The following ZNF69 variants were observed in gnomAD, a reference collection of about 807,000 sequenced individuals.
ZNF69 encodes ZNF3.
In ZNF69, 47 loss-of-function variants were observed where a neutral mutation model predicts 50.9. The ratio of observed to expected loss-of-function variants is 0.92; its 90% CI spans 0.73 to 1.18. The LOEUF (loss-of-function observed/expected upper bound fraction) is 1.18. ZNF69 is among the 50% of genes most tolerant of loss of function. The pLI is 0.00. For missense variants in ZNF69, 717 were observed against 675.1 expected (o/e 1.06, Z -0.69); for synonymous variants, 216 against 223.1 (o/e 0.97, Z 0.29).
At chr19:11,929,603 G>C in the ZNF69 span, among the ~76,000 whole-genome samples, 2 of 147,972 alleles carry the variant, frequency 1.4e-5, no homozygotes, top group Non-Finnish European at 2.9e-5. Flanking sequence ...ATTTAAATTC[G>C]ATTTCAGGGT....
the ZNF69 span, chr19:11,976,900 C>A: frequency 6.6e-7 from 1 of 1,524,700 alleles, no homozygotes; most frequent in African/African-American, 1.4e-5. Flanking sequence ...GAAGAAAGTA[C>A]AGAAAGCGAG....
At chr19:11,934,629 C>T in the ZNF69 span, among the ~76,000 whole-genome samples, 9 of 146,786 alleles carry the variant, frequency 6.1e-5, 1 homozygote, top group African/African-American at 1.1e-4. Context: ...CAGGTTCAAA[C>T]GATTCTCCTG....
At chr19:11,979,887 A>G in the ZNF69 span, 1 of 1,433,474 alleles carries the variant, frequency 7.0e-7, no homozygotes, top group African/African-American at 1.4e-5. Context: ...CACTCTGTAG[A>G]AAGACCTTAT....
the ZNF69 span, among the ~76,000 whole-genome samples, chr19:11,928,480 C>T: frequency 6.7e-6 from 1 of 149,808 alleles, no homozygotes; most frequent in South Asian, 2.1e-4. Flanking sequence ...CGCCTGTAAT[C>T]CCAGCACTTT....
the ZNF69 span, chr19:11,950,667 C>A: frequency 3.4e-6 from 1 of 293,860 alleles, no homozygotes; most frequent in Non-Finnish European, 6.8e-6. Flanking sequence ...TCTTTGAATA[C>A]AGATAATTAA....
At chr19:11,958,273 G>C in the ZNF69 span, among the ~76,000 whole-genome samples, 25,521 of 151,492 alleles carry the variant, frequency 0.17, 4,400 homozygotes, top group African/African-American at 0.46. Context: ...CTTGAGTAAG[G>C]TGTTGTACAG....
At chr19:11,950,636 A>G in the ZNF69 span, 2 of 373,012 alleles carry the variant, frequency 5.4e-6, no homozygotes, top group Non-Finnish European at 1.1e-5. Context: ...AGTATGGGAA[A>G]GCCTTCAGAT....
chr19:11,955,963 T>C, the ZNF69 span, among the ~76,000 whole-genome samples: 1 of 152,180 alleles, frequency 6.6e-6, no homozygotes, highest in South Asian at 2.1e-4. Context: ...TGATTAAATA[T>C]TGAGTTTATG....
the ZNF69 span, among the ~76,000 whole-genome samples, chr19:11,974,864 A>G: frequency 6.6e-6 from 1 of 152,166 alleles, no homozygotes; most frequent in Admixed American, 6.5e-5. Context: ...TGGCCTTGCA[A>G]GGTGCTGGGA....
chr19:11,965,054 G>A, the ZNF69 span: 1 of 904,102 alleles, frequency 1.1e-6, no homozygotes, highest in East Asian at 2.8e-5. Flanking sequence ...CCTCACCTTT[G>A]TCCTTGCGCA....
chr19:11,922,528 G>A, the ZNF69 span, among the ~76,000 whole-genome samples: 2 of 152,224 alleles, frequency 1.3e-5, no homozygotes, highest in Admixed American at 1.3e-4. Context: ...AGGAAGTTCA[G>A]GGAACAAGCT....
chr19:11,933,939 G>A, the ZNF69 span, among the ~76,000 whole-genome samples: 2 of 147,328 alleles, frequency 1.4e-5, no homozygotes, highest in African/African-American at 2.7e-5. Flanking sequence ...GCTTCCCAAA[G>A]TGCTGGGATT....
the ZNF69 span, among the ~76,000 whole-genome samples, chr19:11,946,465 T>C: frequency 6.5e-3 from 994 of 152,276 alleles, 6 homozygotes; most frequent in Non-Finnish European, 0.011. Context: ...AGATCCCTCA[T>C]TGGCTATCTG....
chr19:11,956,332 C>T, the ZNF69 span, among the ~76,000 whole-genome samples: 14 of 152,310 alleles, frequency 9.2e-5, no homozygotes, highest in East Asian at 2.7e-3. Context: ...GGAGCAATTA[C>T]ATGGTAGCGT....
the ZNF69 span, chr19:11,976,977 G>T: frequency 1.2e-6 from 2 of 1,609,060 alleles, no homozygotes; most frequent in East Asian, 4.5e-5. Context: ...TGGGAATAGA[G>T]TCTAGGCCCC....
downstream of ZNF69, among the ~76,000 whole-genome samples, chr19:11,916,662 A>G (rs2145259394): frequency 6.6e-6 from 1 of 152,308 alleles, no homozygotes; most frequent in Non-Finnish European, 1.5e-5. Flanking sequence ...AAACTGAAGC[A>G]TGCTTTGGTA....
At chr19:11,976,586 G>A in the ZNF69 span, among the ~76,000 whole-genome samples, 1 of 147,952 alleles carries the variant, frequency 6.8e-6, no homozygotes, top group Non-Finnish European at 1.5e-5. Flanking sequence ...AAAATTGCTG[G>A]CCAGGTGTGG....
At chr19:11,978,225 C>T in the ZNF69 span, 472 of 1,613,998 alleles carry the variant, frequency 2.9e-4, 3 homozygotes, top group African/African-American at 5.8e-3. Flanking sequence ...GAAAGCTTCT[C>T]CTGAAGCAAA....
the ZNF69 span, among the ~76,000 whole-genome samples, chr19:11,954,996 A>ATTTTT: frequency 8.8e-5 from 9 of 101,700 alleles, no homozygotes; most frequent in East Asian, 2.7e-4. Flanking sequence ...TTTCAAAAAA[A>ATTTTT]TTTTTTTTTT....
Sources: allele counts gnomAD v4.1 joint callset (sites outside exome capture counted in the v4.1 genomes callset), GRCh38; gene constraint gnomAD v4.1.1; transcripts MANE v1.5; gene names NCBI Gene and HGNC (gene_info 2026-07-23, HGNC 2026-07-21).